Variants in UACA observed in about 807,000 individuals in gnomAD.
The protein encoded by UACA is uveal autoantigen with coiled-coil domains and ankyrin repeats.
In UACA, 112 loss-of-function variants were observed where a neutral mutation model predicts 160.5. The ratio of observed to expected loss-of-function variants is 0.70; its 90% CI spans 0.60 to 0.82. The LOEUF (loss-of-function observed/expected upper bound fraction) is 0.82. Among genes scored for constraint, UACA ranks in the 40% least tolerant of loss-of-function variants. The pLI is 0.00. For synonymous variants in UACA, 557 were observed against 568.4 expected, an observed-to-expected ratio of 0.98 and a Z score of 0.29; for missense variants, 1,574 against 1,614.6, an observed-to-expected ratio of 0.97 and a Z score of 0.43.
intron 8 of UACA, among the ~76,000 whole-genome samples, chr15:70,683,180 A>AC (rs1229150672): frequency 6.6e-6 from 1 of 151,834 alleles, no homozygotes; most frequent in Non-Finnish European, 1.5e-5. Context: ...ACATAGCAAG[A>AC]CCCCATCTCT....
intron 9 of UACA, among the ~76,000 whole-genome samples, chr15:70,682,470 G>A (rs1276008962): frequency 5.3e-5 from 8 of 152,072 alleles, no homozygotes; most frequent in Non-Finnish European, 1.2e-4. Flanking sequence ...AAGTTACAAT[G>A]TCTCCTACTT....
intron 1 of UACA, among the ~76,000 whole-genome samples, chr15:70,722,832 TAAGAG>T (rs1273309520): frequency 6.6e-6 from 1 of 152,152 alleles, no homozygotes; most frequent in Non-Finnish European, 1.5e-5. Context: ...TGGTGGCAAC[TAAGAG>T]AAGCTATTTT....
At chr15:70,694,515 C>T (rs1566979439) in intron 3 of UACA, among the ~76,000 whole-genome samples, 1 of 152,146 alleles carries the variant, frequency 6.6e-6, no homozygotes, top group Non-Finnish European at 1.5e-5. Flanking sequence ...GGCCAAATTA[C>T]TTAACAGCTC....
intron 8 of UACA, 55 bp from the exon 9 acceptor site, chr15:70,682,850 T>G (rs1595885262): frequency 1.6e-6 from 2 of 1,241,746 alleles, no homozygotes; most frequent in East Asian, 4.9e-5. Context: ...TTGGGGTAGG[T>G]ACGCATTCCC....
intron 1 of UACA, among the ~76,000 whole-genome samples, chr15:70,718,700 G>C (rs950036267): frequency 6.6e-6 from 1 of 152,076 alleles, no homozygotes; most frequent in African/African-American, 2.4e-5. Flanking sequence ...CTTAAATTTG[G>C]AGGTAATTAC....
Position 70,668,304 on chromosome 15 carries a change from T to G in UACA, c.2380A>C (p.Lys794Gln), listed in dbSNP as rs1335772850. 2 of 1,612,654 alleles carry G rather than the reference T, an allele frequency of 1.2e-6. No individual in the cohort carries two copies. Among genetic ancestry groups the G allele is most frequent in the South Asian group, 2.2e-5 (2 of 90,598 alleles). ...KLLLENDSLS[K>Q]DVSRLETVFV... is the part of the protein sequence containing the mutation. ...ACAGTTTCTAGGCGGCTTACATCCT[T>G]ACTTAAGCTGTCATTTTCCAGTAGC... Residue 794 changes from lysine to glutamine, a missense_variant, in exon 16 of 19, where the codon AAG becomes CAG. Transcript: ENST00000322954.
chr15:70,762,750 T>C (rs1456486522), intron 1 of UACA, among the ~76,000 whole-genome samples: 2 of 152,250 alleles, frequency 1.3e-5, no homozygotes, highest in Non-Finnish European at 2.9e-5. Context: ...TCTGCCTCGC[T>C]GGGGAATCAA....
At chr15:70,706,376 A>G (rs192962749) in intron 1 of UACA, among the ~76,000 whole-genome samples, 69 of 152,222 alleles carry the variant, frequency 4.5e-4, no homozygotes, top group African/African-American at 1.5e-3. Flanking sequence ...GAAGACAAAG[A>G]TGCTGCTCTG....
chr15:70,748,267 T>C (rs1440632215), intron 1 of UACA, among the ~76,000 whole-genome samples: 1 of 152,138 alleles, frequency 6.6e-6, no homozygotes, highest in African/African-American at 2.4e-5. Flanking sequence ...AACAGGAAAG[T>C]ATTTACTTAG....
intron 1 of UACA, among the ~76,000 whole-genome samples, chr15:70,746,014 C>T (rs1334975726): frequency 6.6e-6 from 1 of 152,070 alleles, no homozygotes; most frequent in Non-Finnish European, 1.5e-5. Context: ...AACGTAAGAC[C>T]TAAAACCATA....
intron 9 of UACA, chr15:70,681,839 C>T (rs932525030): frequency 6.6e-6 from 1 of 152,202 alleles, no homozygotes; most frequent in Non-Finnish European, 1.5e-5. Flanking sequence ...TACCTATGTA[C>T]AAACTGGCAC....
At chr15:70,710,766 C>T (rs963847676) in intron 1 of UACA, among the ~76,000 whole-genome samples, 4 of 152,204 alleles carry the variant, frequency 2.6e-5, no homozygotes, top group African/African-American at 7.2e-5. Context: ...TGTGGGAAGG[C>T]GTGAAGGGCT....
At chr15:70,717,656 G>C (rs1212284083) in intron 1 of UACA, among the ~76,000 whole-genome samples, 2 of 152,156 alleles carry the variant, frequency 1.3e-5, no homozygotes, top group Admixed American at 1.3e-4. Context: ...AGACCTACCA[G>C]AAAGTACTCT....
chr15:70,760,687 G>A (rs1483999553), intron 1 of UACA, among the ~76,000 whole-genome samples: 1 of 151,706 alleles, frequency 6.6e-6, no homozygotes, highest in East Asian at 1.9e-4. Flanking sequence ...CACGCCTGTA[G>A]TCCCAGCTAC....
At chr15:70,754,917 A>G (rs187324511) in intron 1 of UACA, among the ~76,000 whole-genome samples, 1 of 152,330 alleles carries the variant, frequency 6.6e-6, no homozygotes, top group Admixed American at 6.5e-5. Flanking sequence ...CTATTGTTCC[A>G]TTTATAATTT....
In UACA at chr15:70,737,284, G is replaced by A. The variant is rs545942325; in HGVS notation, c.78+26046C>T. Among the ~76,000 whole-genome samples the A allele has an allele frequency of 1.1e-4, 16 of 152,154 alleles. 1 individual carries two copies. The highest frequency in any genetic ancestry group is 6.2e-4 in the South Asian group (3 of 4,828). On this transcript the variant is annotated intron_variant, in intron 1 of 18. Transcript: ENST00000322954. The stretch of plus-strand genomic sequence containing the variant: ...GATTAAAGAGTGGGCAACTTCATCC[G>A]TAGTATTATAAATGTGTACATTAAA...
At chr15:70,701,820 C>T in intron 1 of UACA, 5 of 1,488,896 alleles carry the variant, frequency 3.4e-6, no homozygotes, top group Middle Eastern at 1.8e-4. Flanking sequence ...TAAAAGAACA[C>T]AGTTCAGAAA....
intron 1 of UACA, among the ~76,000 whole-genome samples, chr15:70,752,762 T>A (rs757910590): frequency 7.9e-5 from 12 of 151,942 alleles, no homozygotes; most frequent in Non-Finnish European, 1.5e-4. Flanking sequence ...TCCTCAAAAG[T>A]GTACACAGTT....
chr15:70,701,831 G>C, intron 1 of UACA: 3 of 1,552,532 alleles, frequency 1.9e-6, no homozygotes, highest in Non-Finnish European at 1.8e-6. Flanking sequence ...AGTTCAGAAA[G>C]TCTAACCAAG....
Sources: gnomAD v4.1 joint callset for allele counts (sites outside exome capture counted in the v4.1 genomes callset) on GRCh38, gnomAD v4.1.1 for gene constraint, MANE v1.5 for transcripts, NCBI Gene and HGNC (gene_info 2026-07-23, HGNC 2026-07-21) for gene names.